The following MTCL1 variants were observed in gnomAD, a reference collection of about 807,000 sequenced individuals.
MTCL1 encodes the protein microtubule cross-linking factor 1.
MTCL1 carries 79 observed loss-of-function variants against 141.4 expected under a neutral mutation model. That is an observed-to-expected ratio of 0.56 (90% CI 0.47 to 0.67). MTCL1 has a LOEUF of 0.67. Among genes scored for constraint, MTCL1 ranks in the 30% least tolerant of loss-of-function variants. The pLI is 0.00. For missense variants in MTCL1, 2,177 were observed against 2,113.9 expected (o/e 1.03, Z -0.59); for synonymous variants, 914 against 875.8 (o/e 1.04, Z -0.77).
intron 8 of MTCL1, among the ~76,000 whole-genome samples, chr18:8,795,231 CT>C (rs1309457046): frequency 6.6e-6 from 1 of 152,232 alleles, no homozygotes; most frequent in Non-Finnish European, 1.5e-5. Flanking sequence ...AGCTGTGGTT[CT>C]ATTCCCATGG....
At chr18:8,784,703 G>A (rs766923149) in exon 6 of MTCL1, 6 of 1,614,082 alleles carry the variant, frequency 3.7e-6, no homozygotes, top group African/African-American at 1.3e-5. Flanking sequence ...GGCCTTCCTG[G>A]AGCAGGTGAA....
In MTCL1 at chr18:8,830,128, C is replaced by T. The variant is rs572198762; in HGVS notation, c.*18+1164C>T. 19 of 985,498 alleles carry T rather than the reference C, an allele frequency of 1.9e-5. No homozygotes were observed. Among genetic ancestry groups the T allele is most frequent in the Middle Eastern group, 5.2e-4 (1 of 1,914 alleles). The allele number at this position is 985,498 out of a possible 1,614,324, so 61.0% of individuals were successfully genotyped here. A position where few individuals can be genotyped will look rare whatever the true frequency, so the allele number is the denominator to read the frequency against. ...CACAAAACACACAGATTTCCCAAAC[C>T]GTGTGTCCCAGTCAAGCACTGTGGG... On this transcript the variant is annotated intron_variant, in intron 16 of 16. Coordinates refer to ENST00000359865, the Ensembl canonical transcript of MTCL1. This position sits in a 1 kb window ranked among gnomAD's most constrained non-coding sequence, Gnocchi z 6.4.
At chr18:8,829,540 C>A (rs1405274717) in intron 16 of MTCL1, 2 of 971,022 alleles carry the variant, frequency 2.1e-6, no homozygotes, top group Non-Finnish European at 2.4e-6. Context: ...ACAAAATCAT[C>A]CCCACTCCAA....
At chr18:8,825,744 C>T in exon 15 of MTCL1, 1 of 1,614,158 alleles carries the variant, frequency 6.2e-7, no homozygotes, top group African/African-American at 1.3e-5. Flanking sequence ...CAGGACGTCA[C>T]CAGGGATGGC....
At chr18:8,819,292 C>T in intron 13 of MTCL1, 33 bp downstream of exon 12, 2 of 1,604,140 alleles carry the variant, frequency 1.2e-6, no homozygotes, top group African/African-American at 1.3e-5. Flanking sequence ...TAGTTAACCA[C>T]TGTGGAATGA....
At chr18:8,732,370 C>T (rs1316262132) in intron 4 of MTCL1, among the ~76,000 whole-genome samples, 1 of 152,036 alleles carries the variant, frequency 6.6e-6, no homozygotes, top group Non-Finnish European at 1.5e-5. Context: ...CCTCAGTTTC[C>T]CAAAGTTTTG....
At chr18:8,756,548 T>C (rs2096402702) in intron 4 of MTCL1, among the ~76,000 whole-genome samples, 1 of 151,914 alleles carries the variant, frequency 6.6e-6, no homozygotes, top group African/African-American at 2.4e-5. Context: ...TATGTGTATA[T>C]ATATGTATAT....
chr18:8,714,556 A>C (rs150610670), upstream of MTCL1, among the ~76,000 whole-genome samples: 1 of 152,178 alleles, frequency 6.6e-6, no homozygotes, highest in African/African-American at 2.4e-5. Flanking sequence ...AGGAGCAAAG[A>C]CACATATTAC....
intron 4 of MTCL1, among the ~76,000 whole-genome samples, chr18:8,770,718 A>G (rs2096481984): frequency 6.6e-6 from 1 of 152,210 alleles, no homozygotes; most frequent in South Asian, 2.1e-4. Context: ...TGGGTGCCCA[A>G]CACATATGGT....
Position 8,705,698 on chromosome 18 carries a change from C to G in MTCL1, c.38C>G (p.Pro13Arg), listed in dbSNP as rs1598333173. Residue 13 changes from proline to arginine, a missense_variant, in exon 1 of 14, where the codon CCG (proline) becomes CGG (arginine). Physicochemically the swap from Pro to Arg is moderately radical, Grantham distance 103. Coordinates refer to the MTCL1 transcript ENST00000306329. This position sits in a 1 kb window ranked among gnomAD's most constrained non-coding sequence, Gnocchi z 5.2. ...AACGGCCCCGCGGGCGGAGGTGCCC[C>G]GGACGCGAAGCTGCAGCCGCCCGGC... The G allele has an allele frequency of 2.5e-6, 3 of 1,201,752 alleles. No individual in the cohort carries two copies. The highest frequency in any genetic ancestry group is 4.1e-5 in the South Asian group (1 of 24,192). 74.4% of individuals were successfully genotyped at this position (1,201,752 alleles called of 1,614,324 possible). A position where few individuals can be genotyped will look rare whatever the true frequency, so the allele number is the denominator to read the frequency against.
intron 3 of MTCL1, 35 bp from the exon 3 acceptor site, chr18:8,720,303 C>T (rs756177605): frequency 1.9e-6 from 3 of 1,611,106 alleles, no homozygotes; most frequent in East Asian, 2.2e-5. Context: ...CAAAAAGCCT[C>T]ATATCCTGAT....
At chr18:8,746,720 A>AG (rs777046584) in intron 4 of MTCL1, among the ~76,000 whole-genome samples, 1 of 152,200 alleles carries the variant, frequency 6.6e-6, no homozygotes, top group East Asian at 1.9e-4. Flanking sequence ...TGCAGGAGAG[A>AG]GGGGGTCTCC....
intron 7 of MTCL1, chr18:8,789,658 G>C (rs114584509): frequency 1.0e-6 from 1 of 985,258 alleles, no homozygotes; most frequent in Non-Finnish European, 1.2e-6. Context: ...GAGGGTGGTG[G>C]TGGTTTAGAT....
chr18:8,749,626 A>G (rs1457672129), intron 4 of MTCL1, among the ~76,000 whole-genome samples: 4 of 152,196 alleles, frequency 2.6e-5, no homozygotes, highest in Non-Finnish European at 5.9e-5. Context: ...GGCAGATCCA[A>G]TGGTGGGCCC....
intron 4 of MTCL1, among the ~76,000 whole-genome samples, chr18:8,774,321 A>C (rs1056668224): frequency 8.6e-5 from 13 of 151,900 alleles, no homozygotes; most frequent in African/African-American, 2.9e-4. Flanking sequence ...TGCTTACAAA[A>C]TGGTTTGGAA....
exon 6 of MTCL1, chr18:8,784,183 C>T (rs1446574202): frequency 8.7e-6 from 14 of 1,613,720 alleles, no homozygotes; most frequent in African/African-American, 1.3e-5. Context: ...AACTGCAGCA[C>T]GAGAACCACG....
chr18:8,733,059 G>C (rs1235199900), intron 4 of MTCL1, among the ~76,000 whole-genome samples: 1 of 152,182 alleles, frequency 6.6e-6, no homozygotes, highest in Admixed American at 6.5e-5. Context: ...CAACAGTTGC[G>C]GGTAGACCGT....
exon 10 of MTCL1, chr18:8,798,137 G>A: frequency 6.3e-7 from 1 of 1,592,418 alleles, no homozygotes; most frequent in Non-Finnish European, 8.5e-7. Flanking sequence ...GGGGAGCTTG[G>A]AGTCCAGGGG....
At chr18:8,720,232 TG>T in intron 3 of MTCL1, 105 bp from the exon 3 acceptor site, 2 of 1,007,916 alleles carry the variant, frequency 2.0e-6, no homozygotes, top group Non-Finnish European at 3.0e-6. Flanking sequence ...CTTTGCTATG[TG>T]GTGTAATATA....
Sources: allele counts gnomAD v4.1 joint callset (sites outside exome capture counted in the v4.1 genomes callset), GRCh38; gene constraint gnomAD v4.1.1; non-coding constraint Gnocchi (gnomAD v3.1); transcripts MANE v1.5; gene names NCBI Gene and HGNC (gene_info 2026-07-23, HGNC 2026-07-21).